EFR3B: variants seen among roughly 807,000 people sequenced by gnomAD.
EFR3B encodes protein EFR3 homolog B.
In EFR3B, 64 loss-of-function variants were observed where a neutral mutation model predicts 104.7. The observed-to-expected ratio is 0.61, with a 90% CI of 0.50 to 0.75. The LOEUF is 0.75. EFR3B is among the 30% of genes least tolerant of loss of function. The pLI is 0.00. For missense variants in EFR3B, 750 were observed against 1,078.5 expected (o/e 0.70, Z 4.27); for synonymous variants, 385 against 417.9 (o/e 0.92, Z 0.96).
chr2:25,084,653 T>C (rs955137505), intron 1 of EFR3B, among the ~76,000 whole-genome samples: 14 of 152,190 alleles, frequency 9.2e-5, no homozygotes, highest in Admixed American at 8.5e-4. Context: ...TTTGGTTTTA[T>C]ACATTTTAGG....
chr2:25,098,502 C>T (rs1242162748), intron 3 of EFR3B, among the ~76,000 whole-genome samples: 1 of 152,246 alleles, frequency 6.6e-6, no homozygotes, highest in African/African-American at 2.4e-5. Flanking sequence ...TCTTCTAACT[C>T]GGGGATCCCA....
intron 16 of EFR3B, 96 bp from the exon 17 acceptor site, chr2:25,141,270 G>C: frequency 7.6e-7 from 1 of 1,313,324 alleles, no homozygotes; most frequent in South Asian, 1.4e-5. Flanking sequence ...CTGTGGGAGG[G>C]AGGAAGCACC....
intron 1 of EFR3B, among the ~76,000 whole-genome samples, chr2:25,056,057 C>T (rs1668011848): frequency 6.6e-6 from 1 of 152,210 alleles, no homozygotes; most frequent in Non-Finnish European, 1.5e-5. Flanking sequence ...TCTATACCTA[C>T]ATAGCAGCCG....
intron 17 of EFR3B, 34 bp downstream of exon 17, chr2:25,141,467 C>T (rs1339222777): frequency 2.6e-6 from 4 of 1,548,828 alleles, no homozygotes; most frequent in Non-Finnish European, 3.5e-6. Flanking sequence ...GTCAGGGATC[C>T]CCAGGGCAGC....
At chr2:25,140,660 A>C (rs970857517) in intron 16 of EFR3B, among the ~76,000 whole-genome samples, 2 of 152,220 alleles carry the variant, frequency 1.3e-5, no homozygotes, top group African/African-American at 2.4e-5. Flanking sequence ...ACTGTCCATC[A>C]GGGTGTTTTG....
chr2:25,065,143 C>T (rs1668298087), intron 1 of EFR3B, among the ~76,000 whole-genome samples: 1 of 152,072 alleles, frequency 6.6e-6, no homozygotes, highest in African/African-American at 2.4e-5. Context: ...AAAGCAACAA[C>T]AGCTTCTGTT....
chr2:25,142,490 C>T (rs1012985456), intron 17 of EFR3B, among the ~76,000 whole-genome samples: 2 of 148,492 alleles, frequency 1.3e-5, no homozygotes, highest in African/African-American at 2.5e-5. Flanking sequence ...GTGGCTTATG[C>T]CTATGTAATC....
At chr2:25,133,521 C>T (rs938198947) in intron 12 of EFR3B, 87 bp downstream of exon 12, 17 of 1,325,222 alleles carry the variant, frequency 1.3e-5, no homozygotes, top group East Asian at 2.5e-5. Context: ...CACATACAGT[C>T]GTGCATGTGG....
chr2:25,097,787 T>C (rs903900637), intron 3 of EFR3B, among the ~76,000 whole-genome samples: 26 of 152,204 alleles, frequency 1.7e-4, no homozygotes, highest in African/African-American at 6.3e-4. Flanking sequence ...GTAAATCCCC[T>C]AGAAACGAAG....
At chr2:25,111,890 A>G (rs1669733372) in intron 4 of EFR3B, among the ~76,000 whole-genome samples, 1 of 152,268 alleles carries the variant, frequency 6.6e-6, no homozygotes, top group Non-Finnish European at 1.5e-5. Flanking sequence ...GAATGCAGCC[A>G]TGCAGAACTA....
At chr2:25,129,236 C>T (rs902261749) in intron 6 of EFR3B, among the ~76,000 whole-genome samples, 1 of 151,050 alleles carries the variant, frequency 6.6e-6, no homozygotes, top group Non-Finnish European at 1.5e-5. Flanking sequence ...GAAAGGCCCA[C>T]GTTGCTGTCC....
chr2:25,111,413 C>A (rs72807675), intron 4 of EFR3B, among the ~76,000 whole-genome samples: 35,839 of 151,460 alleles, frequency 0.24, 4,573 homozygotes, highest in Middle Eastern at 0.3. Context: ...ACGCCCATTT[C>A]TCCCTGGGAT....
Position 25,081,657 on chromosome 2 carries a change from C to T in EFR3B, c.8-9668C>T, listed in dbSNP as rs569370536. Reference sequence around the variant, plus strand: ...GGTGGCCCCGAAGGGTAGCTGCGGCCAACAGCTGGCTGTAGAACATGGAGG... The same window carrying T: ...GGTGGCCCCGAAGGGTAGCTGCGGCTAACAGCTGGCTGTAGAACATGGAGG... On this transcript the variant is annotated intron_variant, in intron 1 of 22. Transcript: ENST00000403714. The T allele has an allele frequency of 3.0e-5, 18 of 604,236 alleles. 1 individual carries two copies. The African/African-American group carries it at 3.2e-4, about 11-fold the overall frequency. 37.4% of individuals were successfully genotyped at this position (604,236 alleles called of 1,614,324 possible).
At chr2:25,064,565 C>T (rs74915173) in intron 1 of EFR3B, among the ~76,000 whole-genome samples, 1 of 152,138 alleles carries the variant, frequency 6.6e-6, no homozygotes. Context: ...GTGATAGATT[C>T]TACTCGCTAT....
At chr2:25,128,763 C>T (rs1670237483) in intron 6 of EFR3B, among the ~76,000 whole-genome samples, 1 of 151,368 alleles carries the variant, frequency 6.6e-6, no homozygotes, top group Non-Finnish European at 1.5e-5. Context: ...TCGAGACCAT[C>T]CTGGCTAACA....
At chr2:25,067,426 G>GTTTTTTT (rs111972158) in intron 1 of EFR3B, among the ~76,000 whole-genome samples, 24 of 142,790 alleles carry the variant, frequency 1.7e-4, no homozygotes, top group African/African-American at 3.1e-4. Flanking sequence ...TTTAGTTTTT[G>GTTTTTTT]TTTTTTTTTT....
intron 1 of EFR3B, among the ~76,000 whole-genome samples, chr2:25,050,999 G>A (rs866854803): frequency 6.6e-6 from 1 of 152,152 alleles, no homozygotes; most frequent in Non-Finnish European, 1.5e-5. Context: ...TTGTGGAGAG[G>A]TTGAGTGACT....
At chr2:25,143,521 G>A (rs941856329) in intron 17 of EFR3B, among the ~76,000 whole-genome samples, 8 of 151,884 alleles carry the variant, frequency 5.3e-5, no homozygotes, top group South Asian at 2.1e-4. Context: ...TTAGCCTGGC[G>A]TGGTGGCAGG....
rs957379253 is a variant in EFR3B at position 25,154,779 on chromosome 2, C to T, written c.*439C>T. On this transcript the variant is annotated 3_prime_UTR_variant, in exon 23 of 23. Transcript: ENST00000403714. This position sits in a 1 kb window ranked among gnomAD's most constrained non-coding sequence, Gnocchi z 4.1. ...GAAGGAAGCTGAGATGGGGATGGCT[C>T]TCTCCTCCCCAGCACTCCCCCTGCT... 1.2e-5 allele frequency: 2 copies of T among 161,578 alleles called. No homozygotes were observed. Among genetic ancestry groups the T allele is most frequent in the African/African-American group, 2.4e-5 (1 of 41,672 alleles). The allele number at this position is 161,578 out of a possible 1,614,324, so 10.0% of individuals were successfully genotyped here.
Sources: gnomAD v4.1 joint callset for allele counts (sites outside exome capture counted in the v4.1 genomes callset) on GRCh38, gnomAD v4.1.1 for gene constraint, Gnocchi (gnomAD v3.1) non-coding constraint, MANE v1.5 for transcripts, NCBI Gene and HGNC (gene_info 2026-07-23, HGNC 2026-07-21) for gene names.